NBPF20: variants seen among roughly 807,000 people sequenced by gnomAD.
The protein encoded by NBPF20 is NBPF family member NBPF20.
NBPF20 carries 90 observed loss-of-function variants against 68.1 expected under a neutral mutation model. The ratio of observed to expected loss-of-function variants is 1.32; its 90% CI spans 1.11 to 1.58. The LOEUF (loss-of-function observed/expected upper bound fraction) is 1.58, where lower values mean the gene tolerates loss of function less well. Among genes scored for constraint, NBPF20 ranks in the 40% most tolerant of loss-of-function variants. NBPF20 has a pLI of 0.00. For synonymous variants in NBPF20, 290 were observed against 228.1 expected (o/e 1.27, Z -2.45); for missense variants, 816 against 601.2 (o/e 1.36, Z -3.74).
chr1:145,419,680 C>G, the NBPF20 span, among the ~76,000 whole-genome samples: 34 of 152,122 alleles, frequency 2.2e-4, no homozygotes, highest in African/African-American at 6.3e-4. Context: ...TGGACGGCCA[C>G]GTGAGAAGGA....
At chr1:145,411,288 T>C in the NBPF20 span, among the ~76,000 whole-genome samples, 3 of 150,832 alleles carry the variant, frequency 2.0e-5, no homozygotes, top group Non-Finnish European at 4.4e-5. Context: ...ACAAGGTTTA[T>C]CTCCCCACTA....
chr1:145,413,606 G>C, the NBPF20 span, among the ~76,000 whole-genome samples: 3 of 149,162 alleles, frequency 2.0e-5, no homozygotes, highest in South Asian at 4.3e-4. Flanking sequence ...GCAGAGCAGA[G>C]AGCCCAGAGG....
chr1:145,413,569 T>C, the NBPF20 span, among the ~76,000 whole-genome samples: 13 of 151,044 alleles, frequency 8.6e-5, no homozygotes, highest in Admixed American at 4.0e-4. Flanking sequence ...GTGAGAAAAA[T>C]GATAAATAAT....
chr1:145,404,352 G>T (rs587596536), intron 2 of NBPF20, among the ~76,000 whole-genome samples: 1 of 151,892 alleles, frequency 6.6e-6, no homozygotes, highest in South Asian at 2.1e-4. Context: ...TCTGCCTGCT[G>T]GGTTCAAAGG....
upstream of NBPF20, among the ~76,000 whole-genome samples, chr1:145,409,348 C>T (rs587755140): frequency 2.3e-4 from 34 of 147,882 alleles, no homozygotes; most frequent in East Asian, 5.5e-3. Context: ...AGCATCCATA[C>T]GTGGCAGGCC....
rs144688198 is a variant in NBPF20 at position 145,292,652 on chromosome 1, C to A, written c.16589-163G>T. Among the ~76,000 whole-genome samples, 72 of 147,592 alleles carry A rather than the reference C, an allele frequency of 4.9e-4. 2 individuals carry two copies. The highest frequency in any genetic ancestry group is 1.5e-3 in the South Asian group (7 of 4,780). On this transcript the variant is annotated intron_variant, in intron 136 of 137. Coordinates refer to ENST00000369373, the Ensembl canonical transcript of NBPF20. The stretch of plus-strand genomic sequence containing the variant: ...GGCCTGAAGGCTGTTCATGATAGAA[C>A]TTCCTCGGTTTTTCTCCCAGAAACT...
rs782588870 is a variant in NBPF20, at chr1:145,291,754, C to T, written c.16713G>A (p.Leu5571=). Residue 5571 remains leucine, a synonymous_variant, in exon 138 of 138, where the codon CTG becomes CTA. Coordinates refer to ENST00000369373, the Ensembl canonical transcript of NBPF20. ...AGACTTCAGGCTCTTCCACTTCCAT[C>T]AGCACGCCGTTGAGCCTGGAAAAGG... The T allele has an allele frequency of 6.2e-6, 10 of 1,610,638 alleles. No individual in the cohort carries two copies. The South Asian group carries it at 8.8e-5, about 14-fold the overall frequency.
At position 145,392,865 on chromosome 1, in the gene NBPF20, C is replaced by A. The variant is rs1661976994; in HGVS notation, c.1216+209G>T. 2.1e-5 allele frequency among the ~76,000 whole-genome samples: 2 copies of A among 96,808 alleles called. 1 individual carries two copies. The highest frequency in any genetic ancestry group is 3.7e-5 in the Non-Finnish European group (2 of 53,884). The allele number at this position is 96,808 out of a possible 152,430, so 63.5% of individuals were successfully genotyped here. A position where few individuals can be genotyped will look rare whatever the true frequency, so the allele number is the denominator to read the frequency against. On this transcript the variant is annotated intron_variant, in intron 10 of 137. Transcript: ENST00000369373. ...TAGGATTAGGGCACCACAGGCATGGCCTGAGACTAGGAAGAGAGCCTTGCT... is the reference window on the plus strand; with the variant it reads ...TAGGATTAGGGCACCACAGGCATGGACTGAGACTAGGAAGAGAGCCTTGCT...
At chr1:145,396,859 C>T (rs1439174786) in intron 7 of NBPF20, among the ~76,000 whole-genome samples, 1 of 136,986 alleles carries the variant, frequency 7.3e-6, no homozygotes, top group African/African-American at 2.7e-5. Flanking sequence ...CATTGGTGTG[C>T]TTCACCCATT....
At chr1:145,292,529 T>C (rs1377224943) in intron 136 of NBPF20, 40 bp from the exon 142 acceptor site, 3 of 684,436 alleles carry the variant, frequency 4.4e-6, no homozygotes, top group Non-Finnish European at 7.7e-6. Flanking sequence ...ATTAAGCTGA[T>C]TCCCCTACAC....
chr1:145,403,149 A>G, intron 3 of NBPF20, 67 bp downstream of exon 8: 1 of 1,590,288 alleles, frequency 6.3e-7, no homozygotes, highest in African/African-American at 1.3e-5. Context: ...ACGTCTCCCC[A>G]CCGAGCTGCT....
At chr1:145,407,463 G>A (rs1443512850), upstream of NBPF20, among the ~76,000 whole-genome samples, 9 of 143,056 alleles carry the variant, frequency 6.3e-5, no homozygotes, top group East Asian at 2.0e-4. Context: ...GTGTATACAC[G>A]TATATATAAT....
upstream of NBPF20, among the ~76,000 whole-genome samples, chr1:145,410,535 G>C (rs1458582054): frequency 3.9e-4 from 58 of 150,484 alleles, no homozygotes; most frequent in African/African-American, 1.4e-3. Context: ...GGATGGTCTC[G>C]ATCTCCTGAC....
chr1:145,400,450 G>A lies in NBPF20; in HGVS notation c.711C>T (p.Asp237=), dbSNP rs1369256336. ...GAGAGGATGAGCCAATCAGAGTTGA[G>A]TCGACTTTGTCTTCCTCAAATGTGA... Residue 237 remains aspartate (D), a synonymous_variant, in exon 6 of 138, where the codon GAC becomes GAT. Coordinates refer to ENST00000369373, the Ensembl canonical transcript of NBPF20. 2.5e-6 allele frequency: 4 copies of A among 1,613,032 alleles called. No individual in the cohort carries two copies. The African/African-American group carries it at 4.0e-5, about 16-fold the overall frequency.
chr1:145,400,502 G>C (rs1349087196), exon 6 of NBPF20: 1 of 1,612,846 alleles, frequency 6.2e-7, no homozygotes, highest in Admixed American at 1.7e-5. Flanking sequence ...TGGCTGGTTG[G>C]AGTCATAAGG....
At chr1:145,422,905 C>T in the NBPF20 span, among the ~76,000 whole-genome samples, 4 of 147,380 alleles carry the variant, frequency 2.7e-5, no homozygotes, top group African/African-American at 7.6e-5. Flanking sequence ...GGGAGGATCG[C>T]TTGAGCCAGG....
intron 2 of NBPF20, among the ~76,000 whole-genome samples, chr1:145,404,803 G>A (rs1662690573): frequency 6.6e-6 from 1 of 151,260 alleles, no homozygotes; most frequent in Admixed American, 6.6e-5. Flanking sequence ...GGTACAGAGA[G>A]GATTCTTGAA....
In NBPF20 at chr1:145,292,444, G is replaced by T. The variant is rs782555479; in HGVS notation, c.16634C>A (p.Ser5545Ter). 2 of 710,252 alleles carry T rather than the reference G, an allele frequency of 2.8e-6. No homozygotes were observed. Among genetic ancestry groups the T allele is most frequent in the South Asian group, 2.9e-5 (2 of 67,960 alleles). 44.0% of individuals were successfully genotyped at this position (710,252 alleles called of 1,614,324 possible). The change falls in exon 137 of 138, where the codon TCA becomes TAA. Residue 5545 changes from serine to a stop codon, truncating the protein, a stop_gained. Coordinates refer to ENST00000369373, the Ensembl canonical transcript of NBPF20. LOFTEE classifies it high-confidence loss of function. Reference sequence around the variant, plus strand: ...TCTTCCCCTTCTTCTTTTCTTCTTTGATCTTCTTCCCCTTCTTTTCTTCCC... The same window carrying T: ...TCTTCCCCTTCTTCTTTTCTTCTTTTATCTTCTTCCCCTTCTTTTCTTCCC...
chr1:145,397,564 T>A (rs1302997588), intron 7 of NBPF20, among the ~76,000 whole-genome samples: 445 of 152,258 alleles, frequency 2.9e-3, no homozygotes, highest in African/African-American at 0.01. Flanking sequence ...AGGCCTGCCT[T>A]ACAAGAGCTC....
Sources: allele counts gnomAD v4.1 joint callset (sites outside exome capture counted in the v4.1 genomes callset), GRCh38; gene constraint gnomAD v4.1.1; transcripts MANE v1.5; gene names NCBI Gene and HGNC (gene_info 2026-07-23, HGNC 2026-07-21).